The following ADAMTSL1 variants were observed in gnomAD, a reference collection of about 807,000 sequenced individuals.
ADAMTSL1 encodes ADAMTS like 1, also known as ADAMTS-like protein 1.
A neutral mutation model predicts 201.8 loss-of-function variants in ADAMTSL1; 126 were observed. That is an observed-to-expected ratio of 0.62 (90% CI 0.54 to 0.72). ADAMTSL1 has a LOEUF of 0.72. Among genes scored for constraint, ADAMTSL1 ranks in the 30% least tolerant of loss-of-function variants. The pLI is 0.00. For synonymous variants in ADAMTSL1, 1,121 were observed against 903.4 expected (o/e 1.24, Z -4.32); for missense variants, 2,679 against 2,277.8 (o/e 1.18, Z -3.59).
intron 2 of ADAMTSL1, among the ~76,000 whole-genome samples, chr9:18,399,318 T>TATATAA: frequency 9.9e-6 from 1 of 100,770 alleles, no homozygotes; most frequent in East Asian, 3.2e-4. Context: ...TATATATATA[T>TATATAA]ATATATATAT....
chr9:18,765,631 G>T (rs1820313997), intron 16 of ADAMTSL1, among the ~76,000 whole-genome samples: 1 of 152,188 alleles, frequency 6.6e-6, no homozygotes, highest in Non-Finnish European at 1.5e-5. Context: ...GAAAAGGAGA[G>T]AGCATGTGTA....
chr9:18,421,231 C>T (rs1818931528), intron 2 of ADAMTSL1, among the ~76,000 whole-genome samples: 1 of 152,162 alleles, frequency 6.6e-6, no homozygotes, highest in Non-Finnish European at 1.5e-5. Flanking sequence ...TAATCTACTT[C>T]CATATAAAAG....
intron 2 of ADAMTSL1, among the ~76,000 whole-genome samples, chr9:18,172,853 A>G (rs1827965515): frequency 6.6e-6 from 1 of 152,176 alleles, no homozygotes; most frequent in African/African-American, 2.4e-5. Context: ...CCATTTTACA[A>G]CATGGCATCA....
rs1333062117 is a variant in ADAMTSL1, at chr9:18,528,685, T to G, written c.192-4562T>G. ...AGAAACATACCTGTGCATATTACAT[T>G]TTTATATTAAAATATATTCTAATAC... On this transcript the variant is annotated intron_variant, in intron 2 of 28. Transcript: ENST00000380548. 2.0e-5 allele frequency among the ~76,000 whole-genome samples: 3 copies of G among 152,210 alleles called. No individual in the cohort carries two copies. In the East Asian group the frequency reaches 5.8e-4, roughly 29 times the overall value.
intron 1 of ADAMTSL1, among the ~76,000 whole-genome samples, chr9:18,487,386 G>A (rs1452449635): frequency 6.6e-6 from 1 of 152,130 alleles, no homozygotes; most frequent in African/African-American, 2.4e-5. Context: ...TCATAAAGTA[G>A]ATATGCTTTG....
chr9:18,750,627 T>C (rs1819417602), intron 15 of ADAMTSL1, among the ~76,000 whole-genome samples: 2 of 152,202 alleles, frequency 1.3e-5, no homozygotes, highest in South Asian at 4.1e-4. Context: ...GGGAGAGGTA[T>C]ATACTTGTAT....
intron 2 of ADAMTSL1, among the ~76,000 whole-genome samples, chr9:18,530,817 G>A (rs1166613541): frequency 6.6e-6 from 1 of 152,146 alleles, no homozygotes; most frequent in African/African-American, 2.4e-5. Context: ...AGATAAAACT[G>A]AGATATAGAG....
chr9:18,510,738 A>G (rs1147797), intron 2 of ADAMTSL1, among the ~76,000 whole-genome samples: 47,238 of 151,664 alleles, frequency 0.31, 9,103 homozygotes, highest in East Asian at 0.5. Flanking sequence ...TAAGTAGAAT[A>G]TAATACCTGT....
At chr9:18,630,107 T>C (rs1393643344) in intron 5 of ADAMTSL1, among the ~76,000 whole-genome samples, 1 of 152,216 alleles carries the variant, frequency 6.6e-6, no homozygotes, top group East Asian at 1.9e-4. Flanking sequence ...AGCTGTGTTC[T>C]GGGAGCAGTT....
chr9:18,294,397 T>C (rs1442845209), intron 2 of ADAMTSL1, among the ~76,000 whole-genome samples: 3 of 152,238 alleles, frequency 2.0e-5, no homozygotes, highest in Non-Finnish European at 4.4e-5. Context: ...ACAGCAATGC[T>C]GCCCAGCCAT....
At chr9:18,112,675 T>G (rs930865345) in intron 1 of ADAMTSL1, among the ~76,000 whole-genome samples, 1 of 152,062 alleles carries the variant, frequency 6.6e-6, no homozygotes, top group African/African-American at 2.4e-5. Context: ...GCATACATAG[T>G]AGTAGGAGAC....
At chr9:18,042,632 A>G (rs1225294716) in intron 1 of ADAMTSL1, among the ~76,000 whole-genome samples, 1 of 152,156 alleles carries the variant, frequency 6.6e-6, no homozygotes, top group African/African-American at 2.4e-5. Context: ...GAAAGCTCTT[A>G]TAACCCAAAT....
At chr9:18,904,623 G>C (rs1333089024) in intron 26 of ADAMTSL1, among the ~76,000 whole-genome samples, 1 of 64,154 alleles carries the variant, frequency 1.6e-5, no homozygotes, top group East Asian at 5.2e-4. Flanking sequence ...AACAGAAAGA[G>C]ACCCTGCCTC....
At chr9:18,891,435 C>A (rs539820977) in intron 25 of ADAMTSL1, among the ~76,000 whole-genome samples, 2 of 152,318 alleles carry the variant, frequency 1.3e-5, no homozygotes, top group East Asian at 3.9e-4. Context: ...CCCAAGCTCT[C>A]TCCTTCTCTT....
chr9:18,759,072 A>G (rs960697870), intron 16 of ADAMTSL1, among the ~76,000 whole-genome samples: 2 of 152,200 alleles, frequency 1.3e-5, no homozygotes, highest in Non-Finnish European at 2.9e-5. Flanking sequence ...ATATTTCTCT[A>G]TATTGCATAT....
chr9:18,681,702 G>T (rs184672422), intron 11 of ADAMTSL1, 110 bp from the exon 12 acceptor site: 59 of 507,914 alleles, frequency 1.2e-4, no homozygotes, highest in East Asian at 2.1e-4. Context: ...TCGTGTGGGG[G>T]GGGGGGGCGG....
At chr9:18,367,931 G>T (rs2809863) in intron 2 of ADAMTSL1, among the ~76,000 whole-genome samples, 68,648 of 151,206 alleles carry the variant, frequency 0.45, 15,805 homozygotes, top group Middle Eastern at 0.5. Context: ...ACGGAGTCTC[G>T]CTCTGTCGCC....
Position 18,892,610 on chromosome 9 carries a change from G to C in ADAMTSL1, c.4851+14G>C. ...AGCTGGGGCCAGGTGAGGAGCCAGA[G>C]AGGTTGTTATTTGAAAGCTAAATCT... is the stretch of plus-strand genomic sequence containing the variant. On this transcript the variant is annotated intron_variant, in intron 26 of 28. Transcript: ENST00000380548. 1 of 1,551,522 alleles carries C rather than the reference G, an allele frequency of 6.4e-7. No individual in the cohort carries two copies. The highest frequency in any genetic ancestry group is 8.7e-7 in the Non-Finnish European group (1 of 1,147,256).
chr9:18,338,953 C>T (rs1294416846), intron 2 of ADAMTSL1, among the ~76,000 whole-genome samples: 1 of 152,140 alleles, frequency 6.6e-6, no homozygotes, highest in East Asian at 1.9e-4. Context: ...AGGACATGAT[C>T]TCTGTCTTTT....
Sources: allele counts gnomAD v4.1 joint callset (sites outside exome capture counted in the v4.1 genomes callset), GRCh38; gene constraint gnomAD v4.1.1; transcripts MANE v1.5; gene names NCBI Gene and HGNC (gene_info 2026-07-23, HGNC 2026-07-21).